Variants in BTF3 observed in about 807,000 individuals in gnomAD.
BTF3 encodes the protein transcription factor BTF3.
In BTF3, 12 loss-of-function variants were observed where a neutral mutation model predicts 23.9. The ratio of observed to expected loss-of-function variants is 0.50; its 90% confidence interval spans 0.32 to 0.81. BTF3 has a LOEUF of 0.81. BTF3 is among the 40% of genes least tolerant of loss of function. BTF3 has a pLI of 0.03. For missense variants in BTF3, 215 were observed against 255.9 expected, an observed-to-expected ratio of 0.84 and a Z score of 1.09; for synonymous variants, 96 against 94.8, an observed-to-expected ratio of 1.01 and a Z score of -0.07.
chr5:73,504,267 CTTTTTTTTTT>C (rs34051700), intron 4 of BTF3, 70 bp from the exon 5 acceptor site: 74 of 125,358 alleles, frequency 5.9e-4, no homozygotes, highest in African/African-American at 1.5e-3. Flanking sequence ...TTCATCTGTT[CTTTTTTTTTT>C]TTTTTTTTTT....
chr5:73,502,222 C>T (rs1309550501), intron 2 of BTF3, among the ~76,000 whole-genome samples: 1 of 150,586 alleles, frequency 6.6e-6, no homozygotes. Flanking sequence ...CTTTCAAATG[C>T]TTAATTTAGA....
rs1310848022 is a variant in BTF3, at chr5:73,505,234, A to G, written c.617A>G (p.Asn206Ser). Residue 206 changes from asparagine (N) to serine (S), a missense_variant, in exon 6 of 6, where the codon AAC (asparagine) becomes AGC (serine). Around this residue, in one of 2 missense-constraint regions of BTF3, gnomAD observed 99 missense variants for 171.2 expected, o/e 0.58. Transcript: ENST00000380591. ...NFDEASKNEA[N>S] ...GATGAGGCTTCCAAGAATGAGGCAA[A>G]CTGAATTGAGTCAACTTCTGAAGAT... 6.2e-7 allele frequency: 1 copy of G among 1,609,002 alleles called. No homozygotes were observed. Among genetic ancestry groups the G allele is most frequent in the Non-Finnish European group, 8.5e-7 (1 of 1,179,120 alleles).
Position 73,501,426 on chromosome 5 carries a change from A to G in BTF3, c.202-1062A>G, listed in dbSNP as rs188430383. Among the ~76,000 whole-genome samples the G allele has an allele frequency of 2.5e-4, 38 of 152,350 alleles. No homozygotes were observed. The East Asian group carries it at 6.7e-3, about 27-fold the overall frequency. On this transcript the variant is annotated intron_variant, in intron 2 of 5. Transcript: ENST00000380591. ...GGATGATAAAATGTATTTATCTCTT[A>G]TAGTAATAAGTGTTATGAAGAGAAA...
rs557675678 is a variant in BTF3, at chr5:73,503,261, A to G, written c.517+144A>G. The G allele has an allele frequency of 3.8e-5, 32 of 847,864 alleles. No individual in the cohort carries two copies. The African/African-American group carries it at 4.6e-4, about 12-fold the overall frequency. 52.5% of individuals were successfully genotyped at this position (847,864 alleles called of 1,614,324 possible). On this transcript the variant is annotated intron_variant, in intron 4 of 5. Coordinates refer to ENST00000380591, the MANE Select transcript of BTF3 (RefSeq NM_001037637.2). The stretch of plus-strand genomic sequence containing the variant: ...ACAGATTTGTAACTGATTTTAAGCA[A>G]CTGTCCTTGCTCAAGTTTGCAGTAA...
chr5:73,505,505 A>G lies in BTF3; in HGVS notation c.*267A>G, dbSNP rs1053992539. Reference sequence around the variant, plus strand: ...AGTTCTTTGCCTAGTATACAGTTTTATTTTTTTATTTCATTGACACCGATC... The same window carrying G: ...AGTTCTTTGCCTAGTATACAGTTTTGTTTTTTTATTTCATTGACACCGATC... On this transcript the variant is annotated 3_prime_UTR_variant, in exon 6 of 6. Coordinates refer to ENST00000380591, the MANE Select transcript of BTF3 (RefSeq NM_001037637.2). 6.3e-6 allele frequency: 2 copies of G among 319,104 alleles called. No homozygotes were observed. The highest frequency in any genetic ancestry group is 4.7e-5 in the Admixed American group (1 of 21,218). The allele number at this position is 319,104 out of a possible 1,614,324, so 19.8% of individuals were successfully genotyped here. A position where few individuals can be genotyped will look rare whatever the true frequency, so the allele number is the denominator to read the frequency against.
chr5:73,502,918 G>T lies in BTF3; in HGVS notation c.318G>T (p.Val106=). Residue 106 remains valine (V), a splice_region_variant and synonymous_variant, in exon 4 of 6, where the codon GTG becomes GTT. Transcript: ENST00000380591. ...TTAAATTTTTCTTTTCTTAATAGGT[G>T]AATATGTTTACAAACCAAGGAACAG... ...GVNNISGIEE[V]NMFTNQGTVI... 1.2e-6 allele frequency: 2 copies of T among 1,611,778 alleles called. No individual in the cohort carries two copies. Among genetic ancestry groups the T allele is most frequent in the Non-Finnish European group, 1.7e-6 (2 of 1,179,664 alleles).
intron 5 of BTF3, 59 bp downstream of exon 5, chr5:73,504,462 T>A: frequency 6.8e-7 from 1 of 1,473,956 alleles, no homozygotes; most frequent in South Asian, 1.2e-5. Flanking sequence ...ATAAGAAATC[T>A]TTGTAGGAAA....
intron 1 of BTF3, 44 bp from the exon 2 acceptor site, chr5:73,499,090 A>G: frequency 6.4e-7 from 1 of 1,563,142 alleles, no homozygotes; most frequent in Non-Finnish European, 8.7e-7. Context: ...GGAATGCTAG[A>G]GTGAGCTAAA....
At position 73,502,583 on chromosome 5, in the gene BTF3, T is replaced by C. The variant is rs754461959; in HGVS notation, c.297T>C (p.Asn99=). 1.3e-6 allele frequency: 2 copies of C among 1,597,414 alleles called. No homozygotes were observed. The highest frequency in any genetic ancestry group is 1.7e-6 in the Non-Finnish European group (2 of 1,175,530). ...QFSLKKLGVN[N]ISGIEEVNMF... is the part of the protein sequence containing the mutation. The stretch of plus-strand genomic sequence containing the variant: ...CCTTAAAGAAGTTAGGGGTAAACAA[T>C]ATCTCTGGTATTGAAGAGGCAAGTA... The change falls in exon 3 of 6, where the codon AAT becomes AAC. Residue 99 remains asparagine, a synonymous_variant. Coordinates refer to ENST00000380591, the MANE Select transcript of BTF3 (RefSeq NM_001037637.2).
chr5:73,499,290 T>C (rs754080973), intron 2 of BTF3, 88 bp downstream of exon 2: 12 of 1,408,442 alleles, frequency 8.5e-6, no homozygotes, highest in Non-Finnish European at 1.1e-5. Context: ...TCTTATATTA[T>C]CGGTGACAAA....
At position 73,505,188 on chromosome 5, in the gene BTF3, C is replaced by T. The variant is rs774068019; in HGVS notation, c.575-4C>T. The T allele has an allele frequency of 1.9e-6, 3 of 1,607,628 alleles. No individual in the cohort carries two copies. In the South Asian group the frequency reaches 3.3e-5, roughly 18 times the overall value. On this transcript the variant is annotated splice_region_variant and splice_polypyrimidine_tract_variant and intron_variant, in intron 5 of 5. Coordinates refer to ENST00000380591, the MANE Select transcript of BTF3 (RefSeq NM_001037637.2). Reference sequence around the variant, plus strand: ...AAGAATTTCTACTCTTTTCCTTTTCCTAGATCTTGTGGAGAATTTTGATGA... The same window carrying T: ...AAGAATTTCTACTCTTTTCCTTTTCTTAGATCTTGTGGAGAATTTTGATGA...
chr5:73,499,090 A>C, intron 1 of BTF3, 44 bp from the exon 2 acceptor site: 2 of 1,563,142 alleles, frequency 1.3e-6, no homozygotes, highest in African/African-American at 2.8e-5. Flanking sequence ...GGAATGCTAG[A>C]GTGAGCTAAA....
chr5:73,501,299 CTT>C (rs1039104344), intron 2 of BTF3, among the ~76,000 whole-genome samples: 6 of 152,150 alleles, frequency 3.9e-5, no homozygotes, highest in Non-Finnish European at 5.9e-5. Context: ...GTGTGATAGA[CTT>C]TCCTTGAGTG....
At position 73,505,524 on chromosome 5, in the gene BTF3, A is replaced by G; in HGVS notation, c.*286A>G. ...AGTTTTATTTTTTTATTTCATTGAC[A>G]CCGATCTGTACACAGTAAAAAAAAT... On this transcript the variant is annotated 3_prime_UTR_variant, in exon 6 of 6. Transcript: ENST00000380591. The G allele has an allele frequency of 3.7e-6, 1 of 271,602 alleles. No individual in the cohort carries two copies. The highest frequency in any genetic ancestry group is 6.9e-6 in the Non-Finnish European group (1 of 144,662). The allele number at this position is 271,602 out of a possible 1,614,324, so 16.8% of individuals were successfully genotyped here.
At position 73,504,311 on chromosome 5, in the gene BTF3, A is replaced by G. The variant is rs780592999; in HGVS notation, c.518-36A>G. On this transcript the variant is annotated intron_variant, in intron 4 of 5. Coordinates refer to ENST00000380591, the MANE Select transcript of BTF3 (RefSeq NM_001037637.2). ...TTTTTTTGGTGAATATTTATTAAAA[A>G]CCTAGACAAATAATGTTTACATTTT... 3.2e-6 allele frequency: 4 copies of G among 1,234,496 alleles called. No homozygotes were observed. The East Asian group carries it at 1.1e-4, about 33-fold the overall frequency. The allele number at this position is 1,234,496 out of a possible 1,614,324, so 76.5% of individuals were successfully genotyped here.
rs6862039 is a variant in BTF3, at chr5:73,503,170, T to G, written c.517+53T>G. 4 of 1,577,724 alleles carry G rather than the reference T, an allele frequency of 2.5e-6. No homozygotes were observed. In the East Asian group the frequency reaches 9.0e-5, roughly 36 times the overall value. On this transcript the variant is annotated intron_variant, in intron 4 of 5. Transcript: ENST00000380591. ...GGGAATTACTCATTTAGCAGCTGATTTCTGATCTCAGGGCTCAGAATGGAT... is the reference window on the plus strand; with the variant it reads ...GGGAATTACTCATTTAGCAGCTGATGTCTGATCTCAGGGCTCAGAATGGAT...
intron 2 of BTF3, among the ~76,000 whole-genome samples, chr5:73,500,061 T>G (rs1746399550): frequency 6.6e-6 from 1 of 152,236 alleles, no homozygotes; most frequent in Admixed American, 6.5e-5. Flanking sequence ...TAACTTAGAG[T>G]TAGCTGTGAG....
chr5:73,503,963 T>C (rs537382054), intron 4 of BTF3, among the ~76,000 whole-genome samples: 2 of 152,192 alleles, frequency 1.3e-5, no homozygotes, highest in African/African-American at 2.4e-5. Flanking sequence ...ATCACCCTTA[T>C]GCCACACACA....
chr5:73,500,224 C>T (rs1281987566), intron 2 of BTF3, among the ~76,000 whole-genome samples: 1 of 152,182 alleles, frequency 6.6e-6, no homozygotes, highest in Non-Finnish European at 1.5e-5. Context: ...CATTTAACAA[C>T]ATTAGATGTT....
Sources: gnomAD v4.1 joint callset for allele counts (sites outside exome capture counted in the v4.1 genomes callset) on GRCh38, gnomAD v4.1.1 for gene constraint, gnomAD v4.1.1 regional missense constraint, MANE v1.5 for transcripts, NCBI Gene and HGNC (gene_info 2026-07-23, HGNC 2026-07-21) for gene names.